The following PRR11 variants were observed in gnomAD, a reference collection of about 807,000 sequenced individuals.
PRR11 encodes proline rich 11.
In PRR11, 30 loss-of-function variants were observed where a neutral mutation model predicts 45.6. The observed-to-expected ratio is 0.66, with a 90% CI of 0.49 to 0.89. PRR11 has a LOEUF of 0.89. PRR11 is among the 40% of genes least tolerant of loss of function. PRR11 has a pLI of 0.00. For missense variants in PRR11, 373 were observed against 424.8 expected (o/e 0.88, Z 1.07); for synonymous variants, 128 against 153.5 (o/e 0.83, Z 1.23).
chr17:59,174,418 C>T (rs1319209977), intron 2 of PRR11, among the ~76,000 whole-genome samples: 4 of 152,184 alleles, frequency 2.6e-5, no homozygotes, highest in African/African-American at 9.7e-5. Context: ...CTTCACTGAA[C>T]CCTCGACCCA....
At chr17:59,201,444 T>C (rs2046891878) in intron 9 of PRR11, 119 bp from the exon 10 acceptor site, 1 of 1,015,788 alleles carries the variant, frequency 9.8e-7, no homozygotes, top group Non-Finnish European at 1.5e-6. Context: ...GGAAAAGTGG[T>C]TTTTACAATC....
chr17:59,180,174 A>G (rs980516215), intron 2 of PRR11, among the ~76,000 whole-genome samples: 11 of 126,960 alleles, frequency 8.7e-5, no homozygotes, highest in Admixed American at 1.9e-4. Flanking sequence ...TTTGTCGCCC[A>G]GGCTGGAGTG....
At chr17:59,185,369 T>C in intron 3 of PRR11, 71 bp from the exon 4 acceptor site, 19 of 1,548,432 alleles carry the variant, frequency 1.2e-5, no homozygotes, top group Non-Finnish European at 1.6e-5. Context: ...ATCAAGTCAC[T>C]TTCTGGTTCC....
chr17:59,179,262 A>G (rs922322663), intron 2 of PRR11, among the ~76,000 whole-genome samples: 1 of 152,132 alleles, frequency 6.6e-6, no homozygotes, highest in Non-Finnish European at 1.5e-5. Flanking sequence ...CTGGGATTAC[A>G]GGTTTGAGCT....
intron 7 of PRR11, among the ~76,000 whole-genome samples, chr17:59,197,064 G>T (rs1393108828): frequency 6.6e-6 from 1 of 151,192 alleles, no homozygotes; most frequent in East Asian, 2.0e-4. Context: ...GGCCAGGCTG[G>T]TCATGAACTC....
At chr17:59,161,632 C>G (rs935730981) in intron 1 of PRR11, among the ~76,000 whole-genome samples, 14 of 152,060 alleles carry the variant, frequency 9.2e-5, no homozygotes, top group African/African-American at 3.4e-4. Context: ...CCTTGTAGTT[C>G]CAACTACTCA....
intron 5 of PRR11, 144 bp downstream of exon 5, chr17:59,193,878 T>A: frequency 9.9e-7 from 1 of 1,008,672 alleles, no homozygotes; most frequent in Non-Finnish European, 1.4e-6. Flanking sequence ...GTATCTTAAT[T>A]ATTGTGTTTT....
intron 2 of PRR11, 129 bp downstream of exon 2, chr17:59,170,009 T>C: frequency 8.2e-7 from 1 of 1,224,282 alleles, no homozygotes; most frequent in East Asian, 2.7e-5. Context: ...TCCCAGCACT[T>C]TGGGAGGCCG....
chr17:59,157,531 A>T (rs1398526862), intron 1 of PRR11, among the ~76,000 whole-genome samples: 1 of 152,042 alleles, frequency 6.6e-6, no homozygotes, highest in Non-Finnish European at 1.5e-5. Context: ...GCAAAATCCC[A>T]TCTCTACTAA....
At chr17:59,159,942 A>G (rs1193655947) in intron 1 of PRR11, among the ~76,000 whole-genome samples, 1 of 152,134 alleles carries the variant, frequency 6.6e-6, no homozygotes, top group East Asian at 1.9e-4. Flanking sequence ...ATACCTGTTT[A>G]CTTTCTGCTT....
At chr17:59,196,652 C>T (rs776271176) in intron 7 of PRR11, among the ~76,000 whole-genome samples, 39 of 152,140 alleles carry the variant, frequency 2.6e-4, no homozygotes, top group Non-Finnish European at 1.8e-4. Context: ...GCTGGGATTT[C>T]AGGGGTGAGC....
intron 3 of PRR11, 47 bp from the exon 4 acceptor site, chr17:59,185,393 T>TTA (rs1407414501): frequency 6.4e-7 from 1 of 1,570,982 alleles, no homozygotes; most frequent in Non-Finnish European, 8.6e-7. Flanking sequence ...TTTCTTGTCC[T>TTA]TATCATATTA....
At chr17:59,165,922 A>T (rs1286035644) in intron 1 of PRR11, among the ~76,000 whole-genome samples, 4 of 152,216 alleles carry the variant, frequency 2.6e-5, no homozygotes, top group Admixed American at 2.0e-4. Flanking sequence ...GAAGTCAGCC[A>T]ACTATGTTTT....
chr17:59,161,938 C>A (rs898516368), intron 1 of PRR11, among the ~76,000 whole-genome samples: 2 of 152,130 alleles, frequency 1.3e-5, no homozygotes, highest in Non-Finnish European at 2.9e-5. Context: ...GGCAATTATC[C>A]TCTGGAAAGT....
intron 2 of PRR11, chr17:59,181,895 T>C: frequency 7.8e-7 from 1 of 1,275,512 alleles, no homozygotes; most frequent in East Asian, 2.6e-5. Context: ...CTTTCTCCTC[T>C]GCTCAACCCC....
At position 59,172,242 on chromosome 17, in the gene PRR11, G is replaced by T. The variant is rs187072960; in HGVS notation, c.128+2362G>T. 7.8e-3 allele frequency among the ~76,000 whole-genome samples: 1,187 copies of T among 152,304 alleles called. 53 individuals carry two copies. The highest frequency in any genetic ancestry group is 0.071 in the Admixed American group (1,091 of 15,286). ...ATAGGAAAGAGGACCTCCAGGTTCCGCCCCAGGGAGGTTGGAATTCAGCGG... is the reference window on the plus strand; with the variant it reads ...ATAGGAAAGAGGACCTCCAGGTTCCTCCCCAGGGAGGTTGGAATTCAGCGG... On this transcript the variant is annotated intron_variant, in intron 2 of 9. Transcript: ENST00000262293.
At chr17:59,192,335 C>T (rs150971263) in intron 4 of PRR11, among the ~76,000 whole-genome samples, 192 of 152,272 alleles carry the variant, frequency 1.3e-3, no homozygotes, top group African/African-American at 4.3e-3. Flanking sequence ...ACAGACTTTT[C>T]GCCTCAAGCA....
At chr17:59,155,951 G>A (rs2147828110) in intron 1 of PRR11, 146 bp downstream of exon 1, 1 of 152,396 alleles carries the variant, frequency 6.6e-6, no homozygotes, top group South Asian at 2.0e-4. Context: ...GGGGAGGTTT[G>A]GGGCTGGGGA....
chr17:59,185,584 G>C (rs748960863), intron 4 of PRR11, 22 bp downstream of exon 4: 16 of 1,573,884 alleles, frequency 1.0e-5, no homozygotes, highest in Non-Finnish European at 1.3e-5. Context: ...CAAATAAAAA[G>C]CAAATCTGGA....
Sources: gnomAD v4.1 joint callset for allele counts (sites outside exome capture counted in the v4.1 genomes callset) on GRCh38, gnomAD v4.1.1 for gene constraint, MANE v1.5 for transcripts, NCBI Gene and HGNC (gene_info 2026-07-23, HGNC 2026-07-21) for gene names.